The following GSDMC variants were observed in gnomAD, a reference collection of about 807,000 sequenced individuals.
The protein encoded by GSDMC is gasdermin C.
A neutral mutation model predicts 58.0 loss-of-function variants in GSDMC; 59 were observed. That is an observed-to-expected ratio of 1.02 (90% CI 0.82 to 1.26). The LOEUF is 1.26. GSDMC is among the 50% of genes most tolerant of loss of function. The probability of loss-of-function intolerance (pLI) is 0.00; values close to 1 mark genes in which losing one functional copy is unlikely to be tolerated. For synonymous variants in GSDMC, 241 were observed against 220.2 expected (o/e 1.09, Z -0.83); for missense variants, 659 against 598.5 (o/e 1.10, Z -1.06).
intron 4 of GSDMC, 114 bp from the exon 5 acceptor site, chr8:129,762,845 C>T (rs1319830330): frequency 9.3e-6 from 6 of 644,202 alleles, no homozygotes; most frequent in Non-Finnish European, 1.7e-5. Flanking sequence ...ATCCTCCCTA[C>T]TGCTGACTTC....
chr8:129,780,502 T>G (rs2034373200), intron 1 of GSDMC, among the ~76,000 whole-genome samples: 1 of 152,090 alleles, frequency 6.6e-6, no homozygotes, highest in South Asian at 2.1e-4. Flanking sequence ...TTTAATGTGC[T>G]GAAGGGAAAA....
chr8:129,707,410 T>A, the GSDMC span, among the ~76,000 whole-genome samples: 1 of 152,196 alleles, frequency 6.6e-6, no homozygotes, highest in African/African-American at 2.4e-5. Flanking sequence ...GGTTTCTTTT[T>A]CAGTTAGGCA....
chr8:129,735,947 G>A, the GSDMC span, among the ~76,000 whole-genome samples: 5 of 152,010 alleles, frequency 3.3e-5, no homozygotes, highest in Admixed American at 1.3e-4. Context: ...GAATCAAATA[G>A]ACACAATAAA....
chr8:129,768,616 G>A (rs954426275), intron 3 of GSDMC, among the ~76,000 whole-genome samples: 1 of 152,154 alleles, frequency 6.6e-6, no homozygotes, highest in East Asian at 1.9e-4. Flanking sequence ...GCAAAAGGAA[G>A]AATTAGTGGA....
chr8:129,714,065 A>G, the GSDMC span, among the ~76,000 whole-genome samples: 1 of 152,202 alleles, frequency 6.6e-6, no homozygotes, highest in African/African-American at 2.4e-5. Flanking sequence ...TGCAGGGGAG[A>G]AAAACCCGGG....
At chr8:129,777,321 A>G (rs2034266057) in intron 2 of GSDMC, 47 bp downstream of exon 2, 1 of 1,157,320 alleles carries the variant, frequency 8.6e-7, no homozygotes, top group Non-Finnish European at 1.3e-6. Context: ...TTTTCTGACC[A>G]CACATGTTTT....
intron 1 of GSDMC, among the ~76,000 whole-genome samples, chr8:129,780,786 C>T (rs2034382169): frequency 6.6e-6 from 1 of 152,132 alleles, no homozygotes; most frequent in African/African-American, 2.4e-5. Context: ...ACTACTCTTA[C>T]CTTAAGTAGA....
the GSDMC span, chr8:129,729,854 A>G: frequency 3.7e-6 from 3 of 815,874 alleles, no homozygotes; most frequent in Admixed American, 5.8e-5. Context: ...CATCCATGCT[A>G]GCACCATGAC....
Position 129,751,704 on chromosome 8 carries a change from T to C in GSDMC, c.917-136A>G, listed in dbSNP as rs570600547. 4.0e-5 allele frequency: 44 copies of C among 1,101,848 alleles called. No homozygotes were observed. The East Asian group carries it at 1.0e-3, about 26-fold the overall frequency. The allele number at this position is 1,101,848 out of a possible 1,614,324, so 68.3% of individuals were successfully genotyped here. On this transcript the variant is annotated intron_variant, in intron 9 of 13. Coordinates refer to ENST00000276708, the MANE Select transcript of GSDMC (RefSeq NM_031415.3). ...TTCCTGCCCCCATTCCCATTCATCC[T>C]CCATGTTCTCAGCTTTCTGGACCCT...
At chr8:129,709,881 C>T in the GSDMC span, among the ~76,000 whole-genome samples, 63 of 152,322 alleles carry the variant, frequency 4.1e-4, no homozygotes, top group Non-Finnish European at 6.6e-4. Context: ...CTGGCGGCAG[C>T]GCTAGTTCTT....
chr8:129,765,138 A>G (rs2033810495), intron 4 of GSDMC, among the ~76,000 whole-genome samples: 1 of 152,206 alleles, frequency 6.6e-6, no homozygotes, highest in South Asian at 2.1e-4. Context: ...AAAAAATATT[A>G]TACTTGGTTA....
At chr8:129,724,110 C>A in the GSDMC span, among the ~76,000 whole-genome samples, 1 of 152,186 alleles carries the variant, frequency 6.6e-6, no homozygotes, top group Non-Finnish European at 1.5e-5. Flanking sequence ...AGAGGGCACT[C>A]AAGCCATCTA....
chr8:129,715,379 T>C, the GSDMC span, among the ~76,000 whole-genome samples: 1 of 151,798 alleles, frequency 6.6e-6, no homozygotes, highest in East Asian at 1.9e-4. Context: ...CACAAAAATA[T>C]CCAGCATCAA....
the GSDMC span, among the ~76,000 whole-genome samples, chr8:129,714,071 C>T: frequency 3.3e-5 from 5 of 152,180 alleles, no homozygotes; most frequent in East Asian, 7.7e-4. Flanking sequence ...GGAGAAAAAC[C>T]CGGGATGCTG....
At chr8:129,709,373 T>C in the GSDMC span, among the ~76,000 whole-genome samples, 1 of 152,152 alleles carries the variant, frequency 6.6e-6, no homozygotes, top group African/African-American at 2.4e-5. Flanking sequence ...GTAGATTGAA[T>C]TACGACAGTG....
At chr8:129,732,932 C>A in the GSDMC span, among the ~76,000 whole-genome samples, 4 of 152,070 alleles carry the variant, frequency 2.6e-5, no homozygotes, top group Non-Finnish European at 4.4e-5. Flanking sequence ...CAGACTGTAC[C>A]TGGAAAATCA....
At chr8:129,740,134 G>C in the GSDMC span, among the ~76,000 whole-genome samples, 1 of 152,184 alleles carries the variant, frequency 6.6e-6, no homozygotes, top group Non-Finnish European at 1.5e-5. Flanking sequence ...TACAGCTTTA[G>C]AATGTTTGGG....
intron 3 of GSDMC, among the ~76,000 whole-genome samples, chr8:129,768,759 T>A (rs931280706): frequency 1.3e-5 from 2 of 150,332 alleles, no homozygotes; most frequent in Non-Finnish European, 1.5e-5. Flanking sequence ...CATAAGAGAG[T>A]GAGAAAGAGA....
At chr8:129,765,445 A>G (rs1382731546) in intron 4 of GSDMC, among the ~76,000 whole-genome samples, 183 bp downstream of exon 4, 1 of 152,174 alleles carries the variant, frequency 6.6e-6, no homozygotes, top group Non-Finnish European at 1.5e-5. Context: ...GTAACGGAGG[A>G]TATTAGAATA....
Sources: allele counts gnomAD v4.1 joint callset (sites outside exome capture counted in the v4.1 genomes callset), GRCh38; gene constraint gnomAD v4.1.1; transcripts MANE v1.5; gene names NCBI Gene and HGNC (gene_info 2026-07-23, HGNC 2026-07-21).